The following LIPF variants were observed in gnomAD, a reference collection of about 807,000 sequenced individuals.
The protein encoded by LIPF is gastric triacylglycerol lipase.
Under a neutral mutation model 38.0 loss-of-function variants are expected in LIPF, and 25 were observed. The observed-to-expected ratio is 0.66, with a 90% CI of 0.48 to 0.92. LIPF has a LOEUF of 0.92. LIPF is among the 40% of genes least tolerant of loss of function. LIPF has a pLI of 0.00. For synonymous variants in LIPF, 161 were observed against 156.2 expected (o/e 1.03, Z -0.23); for missense variants, 410 against 469.9 (o/e 0.87, Z 1.18).
chr10:88,667,511 T>C, intron 2 of LIPF, 58 bp from the exon 3 acceptor site: 2 of 1,085,504 alleles, frequency 1.8e-6, no homozygotes, highest in African/African-American at 3.2e-5. Context: ...GTAATATTCA[T>C]TTATTAGATA....
Sources: gnomAD v4.1 joint callset for allele counts on GRCh38, gnomAD v4.1.1 for gene constraint, MANE v1.5 for transcripts, NCBI Gene and HGNC (gene_info 2026-07-23, HGNC 2026-07-21) for gene names.